The following SPRY1 variants were observed in gnomAD, a reference collection of about 807,000 sequenced individuals.
SPRY1 encodes the protein protein sprouty homolog 1.
Under a neutral mutation model 22.6 loss-of-function variants are expected in SPRY1, and 20 were observed. The observed-to-expected ratio is 0.89, with a 90% CI of 0.62 to 1.29. SPRY1 has a LOEUF of 1.29. Among genes scored for constraint, SPRY1 ranks in the 50% most tolerant of loss-of-function variants. The pLI is 0.00. For synonymous variants in SPRY1, 155 were observed against 144.7 expected, an observed-to-expected ratio of 1.07 and a Z score of -0.51; for missense variants, 446 against 387.7, an observed-to-expected ratio of 1.15 and a Z score of -1.26.
In SPRY1 at chr4:123,397,120, G is replaced by T. The variant is rs145481037; in HGVS notation, c.-302+188G>T. 2.8e-3 allele frequency among the ~76,000 whole-genome samples: 421 copies of T among 152,230 alleles called. 3 individuals carry two copies. The highest frequency in any genetic ancestry group is 9.4e-3 in the African/African-American group (390 of 41,556). On this transcript the variant is annotated intron_variant, in intron 1 of 2. Coordinates refer to ENST00000651917, the MANE Select transcript of SPRY1 (RefSeq NM_001258038.2). ...CTTAAAGTAAATGCTACCGCTAAAAGAAAAAGCAGGGTCCCTTTCACCTTT... is the reference window on the plus strand; with the variant it reads ...CTTAAAGTAAATGCTACCGCTAAAATAAAAAGCAGGGTCCCTTTCACCTTT...
chr4:123,398,233 G>A (rs1199921961), intron 2 of SPRY1: 1 of 152,188 alleles, frequency 6.6e-6, no homozygotes, highest in Non-Finnish European at 1.5e-5. Context: ...CTCCCGAGGT[G>A]GATGTTACTG....
Position 123,402,861 on chromosome 4 carries a change from G to T in SPRY1, c.*310G>T. 4.0e-6 allele frequency: 2 copies of T among 498,846 alleles called. No individual in the cohort carries two copies. The highest frequency in any genetic ancestry group is 1.0e-4 in the South Asian group (2 of 19,610). 30.9% of individuals were successfully genotyped at this position (498,846 alleles called of 1,614,324 possible). On this transcript the variant is annotated 3_prime_UTR_variant, in exon 3 of 3. Transcript: ENST00000651917. ...AGCAACTTTCTAAAGTTGTGTACAT[G>T]AACATACACCCACATCCAGACTACA... is the stretch of plus-strand genomic sequence containing the variant.
chr4:123,401,080 A>G (rs949495486), intron 2 of SPRY1, among the ~76,000 whole-genome samples: 5 of 152,216 alleles, frequency 3.3e-5, no homozygotes, highest in Non-Finnish European at 7.3e-5. Flanking sequence ...AGCACACAAC[A>G]AAAAGGCTGT....
At position 123,397,855 on chromosome 4, in the gene SPRY1, G is replaced by GTTTCT. The variant is rs1724975773; in HGVS notation, c.-57_-56insTTTCT. 6.6e-6 allele frequency: 1 copy of GTTTCT among 151,002 alleles called. No individual in the cohort carries two copies. Among genetic ancestry groups the GTTTCT allele is most frequent in the Non-Finnish European group, 1.5e-5 (1 of 67,902 alleles). 9.4% of individuals were successfully genotyped at this position (151,002 alleles called of 1,614,324 possible). A position where few individuals can be genotyped will look rare whatever the true frequency, so the allele number is the denominator to read the frequency against. On this transcript the variant is annotated splice_region_variant and 5_prime_UTR_variant, in exon 2 of 3. Coordinates refer to ENST00000651917, the MANE Select transcript of SPRY1 (RefSeq NM_001258038.2). Reference sequence around the variant, plus strand: ...GCTAAAAAAAAAAAAAAAAAGAAAAGGGTAAAAAAATCCCCCTCCCCCTCC... The same window carrying GTTTCT: ...GCTAAAAAAAAAAAAAAAAAGAAAAGTTTCTGGTAAAAAAATCCCCCTCCCCCTCC...
At chr4:123,398,421 C>A (rs1309641678) in intron 2 of SPRY1, 1 of 151,120 alleles carries the variant, frequency 6.6e-6, no homozygotes, top group Admixed American at 6.6e-5. Flanking sequence ...TCGCCCTCCC[C>A]GCCGCGGTTG....
chr4:123,398,198 T>G (rs1724988518), intron 2 of SPRY1: 1 of 152,220 alleles, frequency 6.6e-6, no homozygotes, highest in Non-Finnish European at 1.5e-5. Flanking sequence ...TAAAAACTGG[T>G]TCTTGGAAAG....
In SPRY1 at chr4:123,401,600, C is replaced by T. The variant is rs1424726993; in HGVS notation, c.9C>T (p.Pro3=). MD[P]QNQHGSGSSL... Reference sequence around the variant, plus strand: ...ACTCGAGATCACTACACATGGATCCCCAAAATCAACATGGCAGTGGCAGTT... The same window carrying T: ...ACTCGAGATCACTACACATGGATCCTCAAAATCAACATGGCAGTGGCAGTT... The change falls in exon 3 of 3, where the codon CCC becomes CCT. Residue 3 remains proline (P), a synonymous_variant. Coordinates refer to ENST00000651917, the MANE Select transcript of SPRY1 (RefSeq NM_001258038.2). 1 of 1,613,964 alleles carries T rather than the reference C, an allele frequency of 6.2e-7. No homozygotes were observed. The highest frequency in any genetic ancestry group is 8.5e-7 in the Non-Finnish European group (1 of 1,179,938).
At chr4:123,398,047 C>T (rs1305602567) in intron 2 of SPRY1, 191 bp downstream of exon 2, 1 of 152,192 alleles carries the variant, frequency 6.6e-6, no homozygotes, top group East Asian at 1.9e-4. Context: ...GCCGCCATCC[C>T]TTCCTTCGTT....
Position 123,402,269 on chromosome 4 carries a change from G to A in SPRY1, c.678G>A (p.Lys226=). ...VEYGTCMCLV[K]GIFYHCSNDD... is the part of the protein sequence containing the mutation. ...ATGGAACCTGCATGTGCTTAGTCAA[G>A]GGCATCTTCTACCACTGCTCCAATG... is the stretch of plus-strand genomic sequence containing the variant. Residue 226 remains lysine (K), a synonymous_variant, in exon 3 of 3, where the codon AAG becomes AAA. Coordinates refer to ENST00000651917, the MANE Select transcript of SPRY1 (RefSeq NM_001258038.2). The A allele has an allele frequency of 6.2e-7, 1 of 1,614,202 alleles. No homozygotes were observed. The highest frequency in any genetic ancestry group is 1.1e-5 in the South Asian group (1 of 91,084).
At chr4:123,400,811 G>A (rs1221503992) in intron 2 of SPRY1, among the ~76,000 whole-genome samples, 1 of 152,008 alleles carries the variant, frequency 6.6e-6, no homozygotes, top group Admixed American at 6.5e-5. Flanking sequence ...ATCCTCTCAG[G>A]ATTTCAAATA....
At position 123,401,581 on chromosome 4, in the gene SPRY1, G is replaced by C. The variant is rs755152264; in HGVS notation, c.-11G>C. 1 of 1,608,140 alleles carries C rather than the reference G, an allele frequency of 6.2e-7. No homozygotes were observed. The highest frequency in any genetic ancestry group is 8.5e-7 in the Non-Finnish European group (1 of 1,175,458). On this transcript the variant is annotated 5_prime_UTR_variant, in exon 3 of 3. Transcript: ENST00000651917. Reference sequence around the variant, plus strand: ...GTTTCCACTGATTGCCAGAACTCGAGATCACTACACATGGATCCCCAAAAT... The same window carrying C: ...GTTTCCACTGATTGCCAGAACTCGACATCACTACACATGGATCCCCAAAAT...
At position 123,401,518 on chromosome 4, in the gene SPRY1, A is replaced by T; in HGVS notation, c.-55-19A>T. 6.6e-6 allele frequency: 10 copies of T among 1,504,644 alleles called. No individual in the cohort carries two copies. Among genetic ancestry groups the T allele is most frequent in the African/African-American group, 2.9e-5 (2 of 68,110 alleles). 93.2% of individuals were successfully genotyped at this position (1,504,644 alleles called of 1,614,324 possible). On this transcript the variant is annotated intron_variant, in intron 2 of 2. Coordinates refer to ENST00000651917, the MANE Select transcript of SPRY1 (RefSeq NM_001258038.2). ...CTGTCATTTATTTTCTGTTTTTTTC[A>T]TCTTTGATTTCGTTTTAGGATTTCA...
At chr4:123,401,466 A>T in intron 2 of SPRY1, 71 bp from the exon 3 acceptor site, 1 of 1,192,610 alleles carries the variant, frequency 8.4e-7, no homozygotes, top group South Asian at 1.5e-5. Flanking sequence ...ATTTGACAGG[A>T]TTCCCCCCCC....
At chr4:123,398,769 A>G (rs1478226735) in intron 2 of SPRY1, among the ~76,000 whole-genome samples, 3 of 152,028 alleles carry the variant, frequency 2.0e-5, no homozygotes, top group South Asian at 2.1e-4. Flanking sequence ...GTAACAGGAC[A>G]GGGTCTCCTC....
In SPRY1 at chr4:123,401,734, G is replaced by A. The variant is rs537774102; in HGVS notation, c.143G>A (p.Arg48Lys). ...TCCTTAGACCAGATCAAGGCCATAA[G>A]AGGCAGCAATGAATACACAGAAGGG... ...ILSLDQIKAI[R>K]GSNEYTEGPS... Residue 48 changes from arginine (R) to lysine (K), a missense_variant, in exon 3 of 3, where the codon AGA becomes AAA. Coordinates refer to ENST00000651917, the MANE Select transcript of SPRY1 (RefSeq NM_001258038.2). The A allele has an allele frequency of 1.7e-5, 28 of 1,614,206 alleles. No individual in the cohort carries two copies. In the South Asian group the frequency reaches 2.6e-4, roughly 15 times the overall value.
intron 2 of SPRY1, 96 bp from the exon 3 acceptor site, chr4:123,401,440 GT>G (rs764817855): frequency 6.3e-6 from 7 of 1,116,044 alleles, no homozygotes; most frequent in Non-Finnish European, 8.9e-6. Flanking sequence ...TTACTAGGCG[GT>G]TTAGGCAATT....
Position 123,403,721 on chromosome 4 carries a change from T to A in SPRY1, c.*1170T>A, listed in dbSNP as rs1458207948. 6.0e-6 allele frequency: 1 copy of A among 167,070 alleles called. No individual in the cohort carries two copies. Among genetic ancestry groups the A allele is most frequent in the Non-Finnish European group, 1.5e-5 (1 of 68,122 alleles). 10.3% of individuals were successfully genotyped at this position (167,070 alleles called of 1,614,324 possible). A position where few individuals can be genotyped will look rare whatever the true frequency, so the allele number is the denominator to read the frequency against. ...GGTGACACGAAGAAAGTACATATGTTAACTATAATGCAGAAAATATATTAA... is the reference window on the plus strand; with the variant it reads ...GGTGACACGAAGAAAGTACATATGTAAACTATAATGCAGAAAATATATTAA... On this transcript the variant is annotated 3_prime_UTR_variant, in exon 3 of 3. Transcript: ENST00000651917.
Position 123,402,731 on chromosome 4 carries a change from T to A in SPRY1, c.*180T>A. 2.5e-6 allele frequency: 2 copies of A among 808,798 alleles called. No individual in the cohort carries two copies. Among genetic ancestry groups the A allele is most frequent in the East Asian group, 5.4e-5 (2 of 36,728 alleles). The allele number at this position is 808,798 out of a possible 1,614,324, so 50.1% of individuals were successfully genotyped here. A position where few individuals can be genotyped will look rare whatever the true frequency, so the allele number is the denominator to read the frequency against. ...CCTCATGGATGATCTTCAGCAAGAG[T>A]GGACTGGGAAGCTGCACCTGGCTCC... On this transcript the variant is annotated 3_prime_UTR_variant, in exon 3 of 3. Transcript: ENST00000651917.
chr4:123,399,299 C>T (rs1305553356), intron 2 of SPRY1, among the ~76,000 whole-genome samples: 2 of 152,006 alleles, frequency 1.3e-5, no homozygotes. Context: ...CCGCTTGAAC[C>T]CGGGAGGCGG....
Sources: gnomAD v4.1 joint callset for allele counts (sites outside exome capture counted in the v4.1 genomes callset) on GRCh38, gnomAD v4.1.1 for gene constraint, MANE v1.5 for transcripts, NCBI Gene and HGNC (gene_info 2026-07-23, HGNC 2026-07-21) for gene names.